GAD2: variants seen among roughly 807,000 people sequenced by gnomAD.
GAD2 encodes the protein glutamate decarboxylase 2, also known as 65 kDa glutamic acid decarboxylase.
A neutral mutation model predicts 80.1 loss-of-function variants in GAD2; 22 were observed. That is an observed-to-expected ratio of 0.27 (90% CI 0.20 to 0.39). The LOEUF (loss-of-function observed/expected upper bound fraction) is 0.39. Ranked by LOEUF, GAD2 falls within the 10% of genes least tolerant of loss-of-function variation. The probability of loss-of-function intolerance (pLI) is 1.00; values close to 1 mark genes in which losing one functional copy is unlikely to be tolerated. For synonymous variants in GAD2, 274 were observed against 256.9 expected, an observed-to-expected ratio of 1.07 and a Z score of -0.64; for missense variants, 624 against 738.4, an observed-to-expected ratio of 0.85 and a Z score of 1.80.
intron 12 of GAD2, among the ~76,000 whole-genome samples, chr10:26,283,913 A>G (rs4749107): frequency 0.39 from 59,534 of 152,066 alleles, 13,983 homozygotes; most frequent in African/African-American, 0.67. Flanking sequence ...TAGTAACACC[A>G]GGTGGTAGAG....
At chr10:26,294,766 C>T (rs190232187) in intron 15 of GAD2, among the ~76,000 whole-genome samples, 32 of 152,166 alleles carry the variant, frequency 2.1e-4, no homozygotes, top group Non-Finnish European at 3.2e-4. Flanking sequence ...GAGTAGAGGT[C>T]GCATTGGATA....
chr10:26,273,787 G>T, intron 11 of GAD2, 87 bp downstream of exon 11: 1 of 1,137,640 alleles, frequency 8.8e-7, no homozygotes, highest in Non-Finnish European at 1.3e-6. Context: ...GGAACTTTTG[G>T]AATACTGAGT....
intron 11 of GAD2, among the ~76,000 whole-genome samples, chr10:26,277,756 G>A (rs1282262080): frequency 1.3e-5 from 2 of 152,172 alleles, no homozygotes; most frequent in Non-Finnish European, 2.9e-5. Flanking sequence ...GAGGTTTGGA[G>A]GCTGGAGGCC....
intron 11 of GAD2, among the ~76,000 whole-genome samples, chr10:26,274,487 C>T (rs1845176233): frequency 6.6e-6 from 1 of 152,220 alleles, no homozygotes; most frequent in Admixed American, 6.5e-5. Flanking sequence ...TGAGCTCTGG[C>T]ACTCCAAGTG....
chr10:26,282,480 ATCATCTACC>A (rs1845282463), intron 12 of GAD2, among the ~76,000 whole-genome samples: 1 of 151,968 alleles, frequency 6.6e-6, no homozygotes, highest in African/African-American at 2.4e-5. Context: ...TAAAGTTGCT[ATCATCTACC>A]TCATATACCT....
At chr10:26,241,804 A>G (rs1220713082) in intron 7 of GAD2, among the ~76,000 whole-genome samples, 1 of 151,876 alleles carries the variant, frequency 6.6e-6, no homozygotes, top group Admixed American at 6.6e-5. Context: ...CCCTTTGATG[A>G]TAATAGGTTG....
intron 7 of GAD2, among the ~76,000 whole-genome samples, chr10:26,238,059 G>A (rs1844697347): frequency 2.6e-5 from 4 of 151,118 alleles, no homozygotes; most frequent in Admixed American, 2.0e-4. Context: ...AGAAAAGAAA[G>A]GGATTGACAT....
At chr10:26,240,117 C>T (rs1042222127) in intron 7 of GAD2, among the ~76,000 whole-genome samples, 5 of 152,152 alleles carry the variant, frequency 3.3e-5, no homozygotes, top group South Asian at 4.2e-4. Context: ...GAGGAGAAAC[C>T]GGCATGCCAA....
rs190085938 is a variant in GAD2 at position 26,284,763 on chromosome 10, G to T, written c.1237-1582G>T. On this transcript the variant is annotated intron_variant, in intron 12 of 15. Coordinates refer to ENST00000376261, the MANE Select transcript of GAD2 (RefSeq NM_001134366.2). Reference sequence around the variant, plus strand: ...TTTTTGTATTTTTAGTAGAGATGGGGTTTCACCGTGTTAGCCAGGATGGTT... The same window carrying T: ...TTTTTGTATTTTTAGTAGAGATGGGTTTTCACCGTGTTAGCCAGGATGGTT... 7.8e-3 allele frequency among the ~76,000 whole-genome samples: 1,180 copies of T among 151,976 alleles called. 19 individuals are homozygous for T. The highest frequency in any genetic ancestry group is 0.027 in the African/African-American group (1,123 of 41,428).
chr10:26,292,919 C>T lies in GAD2; in HGVS notation c.1512C>T (p.Val504=), dbSNP rs780819939. 19 of 1,613,706 alleles carry T rather than the reference C, an allele frequency of 1.2e-5. No individual in the cohort carries two copies. Among genetic ancestry groups the T allele is most frequent in the Non-Finnish European group, 1.6e-5 (19 of 1,179,756 alleles). Reference sequence around the variant, plus strand: ...CTTTGTAGCCTCAGCACACAAATGTCTGCTTCTGGTACATTCCTCCAAGCT... The same window carrying T: ...CTTTGTAGCCTCAGCACACAAATGTTTGCTTCTGGTACATTCCTCCAAGCT... ...VFDGKPQHTN[V]CFWYIPPSLR... is the part of the protein sequence containing the mutation. Residue 504 remains valine (V), a synonymous_variant, in exon 15 of 16, where the codon GTC becomes GTT. Coordinates refer to ENST00000376261, the MANE Select transcript of GAD2 (RefSeq NM_001134366.2).
chr10:26,270,356 C>T (rs1490756428), intron 9 of GAD2, among the ~76,000 whole-genome samples: 1 of 152,102 alleles, frequency 6.6e-6, no homozygotes, highest in Non-Finnish European at 1.5e-5. Context: ...ATACATGTCT[C>T]GGGGACGTCC....
chr10:26,234,092 G>A (rs1282655902), intron 7 of GAD2, among the ~76,000 whole-genome samples: 5 of 152,150 alleles, frequency 3.3e-5, no homozygotes, highest in African/African-American at 4.8e-5. Context: ...GGGAGGCTGA[G>A]GCAGGAGGAT....
At chr10:26,269,967 C>T (rs1276472174) in intron 9 of GAD2, among the ~76,000 whole-genome samples, 1 of 152,186 alleles carries the variant, frequency 6.6e-6, no homozygotes, top group Non-Finnish European at 1.5e-5. Context: ...AAGACTGACA[C>T]CATAACATCA....
In GAD2 at chr10:26,292,395, C is replaced by T. The variant is rs536457134; in HGVS notation, c.1387-70C>T. On this transcript the variant is annotated intron_variant, in intron 13 of 15. Coordinates refer to ENST00000376261, the MANE Select transcript of GAD2 (RefSeq NM_001134366.2). ...AAGACAGAGACGGCAGGATGACGGT[C>T]AGTCTCCAGGGAAATCGCTTCCTCC... The T allele has an allele frequency of 1.7e-5, 19 of 1,105,338 alleles. No homozygotes were observed. The African/African-American group carries it at 2.5e-4, about 14-fold the overall frequency. The allele number at this position is 1,105,338 out of a possible 1,614,324, so 68.5% of individuals were successfully genotyped here.
chr10:26,216,714 C>T (rs1589134840), upstream of GAD2: 4 of 1,029,742 alleles, frequency 3.9e-6, no homozygotes, highest in East Asian at 1.2e-4. The surrounding 1 kb of genome is among the most constrained non-coding windows in gnomAD (Gnocchi z 4.7). Flanking sequence ...TGCCCTCCTC[C>T]CGCCACACGG....
intron 3 of GAD2, among the ~76,000 whole-genome samples, chr10:26,218,551 T>TCTCTCTCTCTCACACACACA (rs748110324): frequency 8.4e-6 from 1 of 118,780 alleles, no homozygotes; most frequent in African/African-American, 3.1e-5. Flanking sequence ...TCTCTCTCTC[T>TCTCTCTCTCTCACACACACA]CACACACACA....
chr10:26,300,281 A>G (rs1166458011), intron 15 of GAD2, among the ~76,000 whole-genome samples: 1 of 152,186 alleles, frequency 6.6e-6, no homozygotes, highest in Non-Finnish European at 1.5e-5. Context: ...AATATCTTAT[A>G]AAGTGAGGCA....
At chr10:26,251,476 G>T (rs1180109113) in intron 8 of GAD2, among the ~76,000 whole-genome samples, 1 of 152,214 alleles carries the variant, frequency 6.6e-6, no homozygotes. Context: ...TTGTTATGAA[G>T]ATTCAATGTG....
intron 8 of GAD2, among the ~76,000 whole-genome samples, chr10:26,246,825 A>G (rs7913524): frequency 0.041 from 6,188 of 152,270 alleles, 413 homozygotes; most frequent in African/African-American, 0.14. Flanking sequence ...CATGGCATGA[A>G]GTACACATTT....
Sources: allele counts gnomAD v4.1 joint callset (sites outside exome capture counted in the v4.1 genomes callset), GRCh38; gene constraint gnomAD v4.1.1; non-coding constraint Gnocchi (gnomAD v3.1); transcripts MANE v1.5; gene names NCBI Gene and HGNC (gene_info 2026-07-23, HGNC 2026-07-21).